The following FOXN3 variants were observed in gnomAD, a reference collection of about 807,000 sequenced individuals.
FOXN3 encodes forkhead box protein N3.
A neutral mutation model predicts 38.4 loss-of-function variants in FOXN3; 7 were observed. That is an observed-to-expected ratio of 0.18 (90% CI 0.10 to 0.34). The LOEUF (loss-of-function observed/expected upper bound fraction) is 0.34. Ranked by LOEUF, FOXN3 falls within the 10% of genes least tolerant of loss-of-function variation. The probability of loss-of-function intolerance (pLI) is 1.00; values close to 1 mark genes in which losing one functional copy is unlikely to be tolerated. For missense variants in FOXN3, 456 were observed against 613.4 expected (o/e 0.74, Z 2.71); for synonymous variants, 230 against 242.2 (o/e 0.95, Z 0.47).
intron 2 of FOXN3, among the ~76,000 whole-genome samples, chr14:89,360,767 TACCACCTCCACCACCACCTCCACCACC>T (rs1566966449): frequency 0.18 from 3,266 of 17,670 alleles, 148 homozygotes; most frequent in Middle Eastern, 0.25. Flanking sequence ...CCTCCACCAC[TACCACCTCCACCACCACCTCCACCACC>T]ACCACCTCCA....
intron 4 of FOXN3, among the ~76,000 whole-genome samples, chr14:89,222,260 A>G (rs1424921737): frequency 6.6e-6 from 1 of 152,208 alleles, no homozygotes; most frequent in Non-Finnish European, 1.5e-5. Flanking sequence ...CTCTGGACAG[A>G]GTCAACTAAA....
intron 2 of FOXN3, among the ~76,000 whole-genome samples, chr14:89,368,932 G>T (rs1890232593): frequency 6.6e-6 from 1 of 152,150 alleles, no homozygotes; most frequent in African/African-American, 2.4e-5. Context: ...TGATTAGGAA[G>T]CATAGGGGAA....
intron 4 of FOXN3, among the ~76,000 whole-genome samples, chr14:89,199,152 A>C (rs1888172142): frequency 6.6e-6 from 1 of 152,114 alleles, no homozygotes; most frequent in Admixed American, 6.5e-5. Context: ...CTTTTGGCTG[A>C]AGGTTATTGA....
At chr14:89,321,368 G>A (rs1450773474) in intron 3 of FOXN3, among the ~76,000 whole-genome samples, 1 of 152,054 alleles carries the variant, frequency 6.6e-6, no homozygotes, top group East Asian at 1.9e-4. Flanking sequence ...ACGAGGTTGG[G>A]AGATGGAGAC....
intron 2 of FOXN3, chr14:89,354,930 A>G (rs1411427204): frequency 6.6e-6 from 1 of 152,134 alleles, no homozygotes; most frequent in African/African-American, 2.4e-5. Flanking sequence ...CAAAATAATA[A>G]GCGAAGAATA....
At chr14:89,289,439 G>T (rs557653117) in intron 3 of FOXN3, among the ~76,000 whole-genome samples, 1 of 152,208 alleles carries the variant, frequency 6.6e-6, no homozygotes, top group East Asian at 1.9e-4. Flanking sequence ...TTCAAAATTG[G>T]AAAACAGACA....
Position 89,156,580 on chromosome 14 carries a change from T to C in FOXN3, c.*5834A>G, listed in dbSNP as rs1394448352. Reference sequence around the variant, plus strand: ...GTGTAGGTCTATTGGCCAGCCAAGGTCAGACGACCCTAAGCATCAATAGTA... The same window carrying C: ...GTGTAGGTCTATTGGCCAGCCAAGGCCAGACGACCCTAAGCATCAATAGTA... On this transcript the variant is annotated 3_prime_UTR_variant, in exon 6 of 6. Transcript: ENST00000557258. The C allele has an allele frequency of 6.6e-6, 1 of 151,802 alleles. No homozygotes were observed. The highest frequency in any genetic ancestry group is 1.5e-5 in the Non-Finnish European group (1 of 67,958). 9.4% of individuals were successfully genotyped at this position (151,802 alleles called of 1,614,324 possible).
chr14:89,509,581 C>T (rs186972050), intron 1 of FOXN3, among the ~76,000 whole-genome samples: 8 of 152,228 alleles, frequency 5.3e-5, no homozygotes, highest in East Asian at 1.9e-4. Context: ...GTGATCTGCC[C>T]GCCTCGGCCT....
intron 1 of FOXN3, among the ~76,000 whole-genome samples, chr14:89,585,117 G>A (rs1895817324): frequency 2.0e-5 from 3 of 151,974 alleles, no homozygotes; most frequent in South Asian, 2.1e-4. Flanking sequence ...CTAATCAAAC[G>A]CAATGTATAA....
intron 2 of FOXN3, among the ~76,000 whole-genome samples, chr14:89,385,161 G>A (rs1274974176): frequency 2.0e-5 from 3 of 152,034 alleles, no homozygotes; most frequent in Non-Finnish European, 4.4e-5. Flanking sequence ...TTACCTTAGC[G>A]ACCTGATTGT....
At chr14:89,453,267 T>A (rs1299190803) in intron 1 of FOXN3, among the ~76,000 whole-genome samples, 2 of 149,524 alleles carry the variant, frequency 1.3e-5, no homozygotes, top group African/African-American at 4.9e-5. Flanking sequence ...TAAAAATACT[T>A]AGCTGCAGGC....
chr14:89,571,525 A>G (rs1248433041), intron 1 of FOXN3, among the ~76,000 whole-genome samples: 1 of 151,618 alleles, frequency 6.6e-6, no homozygotes, highest in African/African-American at 2.4e-5. Context: ...AAAAAAAAAG[A>G]AAAGTGACAG....
At chr14:89,335,185 A>G (rs893545749) in intron 3 of FOXN3, among the ~76,000 whole-genome samples, 3 of 152,166 alleles carry the variant, frequency 2.0e-5, no homozygotes, top group Non-Finnish European at 4.4e-5. Flanking sequence ...CAATGTGTGT[A>G]TCACAACATC....
chr14:89,290,197 G>A (rs1566948146), intron 3 of FOXN3: 4 of 244,040 alleles, frequency 1.6e-5, no homozygotes, highest in Non-Finnish European at 2.5e-5. Context: ...TCAGGTGAGG[G>A]GGTTCACTGA....
intron 1 of FOXN3, among the ~76,000 whole-genome samples, chr14:89,432,560 A>C (rs1438104757): frequency 2.0e-5 from 3 of 152,176 alleles, no homozygotes; most frequent in Non-Finnish European, 4.4e-5. Context: ...AGATGAGGAC[A>C]CCAAGGCTTC....
intron 2 of FOXN3, among the ~76,000 whole-genome samples, chr14:89,375,361 A>G (rs1596237008): frequency 1.3e-5 from 2 of 152,230 alleles, no homozygotes; most frequent in South Asian, 4.1e-4. Flanking sequence ...ACACAAAATA[A>G]CCTAACTAAA....
intron 1 of FOXN3, among the ~76,000 whole-genome samples, chr14:89,429,420 T>C (rs1892111728): frequency 6.6e-6 from 1 of 152,200 alleles, no homozygotes; most frequent in African/African-American, 2.4e-5. Context: ...CTTTTTGCTT[T>C]TGAGTAGCTT....
intron 2 of FOXN3, among the ~76,000 whole-genome samples, chr14:89,356,857 T>C (rs1206684211): frequency 1.3e-5 from 2 of 152,206 alleles, no homozygotes; most frequent in East Asian, 3.8e-4. Flanking sequence ...AGCAAGATTA[T>C]GACAGACTGT....
chr14:89,162,277 G>T lies in FOXN3; in HGVS notation c.*137C>A. On this transcript the variant is annotated 3_prime_UTR_variant, in exon 6 of 6. Coordinates refer to ENST00000557258, the MANE Select transcript of FOXN3 (RefSeq NM_005197.4). The surrounding 1 kb of genome is among the most constrained non-coding windows in gnomAD (Gnocchi z 7.2). ...GGGGCAAATTAAAACAAAATAAAAG[G>T]AAAAGAAAAGAAAGAAAACCAAACC... is the stretch of plus-strand genomic sequence containing the variant. The T allele has an allele frequency of 4.3e-6, 3 of 703,866 alleles. No homozygotes were observed. Among genetic ancestry groups the T allele is most frequent in the Non-Finnish European group, 6.6e-6 (3 of 454,198 alleles). The allele number at this position is 703,866 out of a possible 1,614,324, so 43.6% of individuals were successfully genotyped here. A position where few individuals can be genotyped will look rare whatever the true frequency, so the allele number is the denominator to read the frequency against.
Sources: gnomAD v4.1 joint callset for allele counts (sites outside exome capture counted in the v4.1 genomes callset) on GRCh38, gnomAD v4.1.1 for gene constraint, Gnocchi (gnomAD v3.1) non-coding constraint, MANE v1.5 for transcripts, NCBI Gene and HGNC (gene_info 2026-07-23, HGNC 2026-07-21) for gene names.